FKBP7: variants seen among roughly 807,000 people sequenced by gnomAD.
The protein encoded by FKBP7 is peptidyl-prolyl cis-trans isomerase FKBP7.
Under a neutral mutation model 24.3 loss-of-function variants are expected in FKBP7, and 24 were observed. The observed-to-expected ratio is 0.99, with a 90% CI of 0.72 to 1.39. The LOEUF is 1.39. FKBP7 is among the 40% of genes most tolerant of loss of function. FKBP7 has a pLI of 0.00. For missense variants in FKBP7, 257 were observed against 269.5 expected (o/e 0.95, Z 0.33); for synonymous variants, 98 against 92.8 (o/e 1.06, Z -0.32).
At position 178,465,685 on chromosome 2, in the gene FKBP7, C is replaced by A. The variant is rs2154126576; in HGVS notation, c.*85G>T. 7.9e-7 allele frequency: 1 copy of A among 1,266,064 alleles called. No individual in the cohort carries two copies. Among genetic ancestry groups the A allele is most frequent in the Non-Finnish European group, 1.0e-6 (1 of 956,472 alleles). 78.4% of individuals were successfully genotyped at this position (1,266,064 alleles called of 1,614,324 possible). On this transcript the variant is annotated 3_prime_UTR_variant, in exon 4 of 4. Coordinates refer to ENST00000424785, the MANE Select transcript of FKBP7 (RefSeq NM_181342.3). ...ATATCTTCTCATAGGGGAAAAATAG[C>A]AAATACAACTTGGAGAAAAGTGACT...
At chr2:178,472,250 T>C (rs916051491) in intron 2 of FKBP7, among the ~76,000 whole-genome samples, 1 of 152,078 alleles carries the variant, frequency 6.6e-6, no homozygotes, top group Middle Eastern at 3.4e-3. Flanking sequence ...ATTTTTTGTA[T>C]TTTTAGTAGA....
chr2:178,477,250 A>G (rs1365585290), intron 1 of FKBP7, 37 bp from the exon 2 acceptor site: 2 of 1,593,964 alleles, frequency 1.3e-6, no homozygotes, highest in Non-Finnish European at 1.7e-6. Flanking sequence ...AACTGATTTC[A>G]AGAAATCAAA....
At chr2:178,472,770 C>A (rs1413463331) in intron 2 of FKBP7, among the ~76,000 whole-genome samples, 1 of 150,576 alleles carries the variant, frequency 6.6e-6, no homozygotes, top group South Asian at 2.1e-4. Flanking sequence ...ATAGCTTGAA[C>A]CCGGGAGGCA....
intron 3 of FKBP7, among the ~76,000 whole-genome samples, chr2:178,467,538 A>G (rs1684707020): frequency 6.6e-6 from 1 of 152,156 alleles, no homozygotes; most frequent in African/African-American, 2.4e-5. Flanking sequence ...TGTCATCTGT[A>G]AAAGGAGATA....
chr2:178,478,189 C>T, intron 1 of FKBP7, 90 bp downstream of exon 1: 4 of 1,451,482 alleles, frequency 2.8e-6, no homozygotes, highest in Non-Finnish European at 3.7e-6. Context: ...AAATAAAACC[C>T]CAACCAACCA....
chr2:178,465,242 T>C lies in FKBP7; in HGVS notation c.*528A>G, dbSNP rs1393074653. 6.6e-6 allele frequency: 1 copy of C among 152,230 alleles called. No homozygotes were observed. The highest frequency in any genetic ancestry group is 1.5e-5 in the Non-Finnish European group (1 of 68,046). The allele number at this position is 152,230 out of a possible 1,614,324, so 9.4% of individuals were successfully genotyped here. A position where few individuals can be genotyped will look rare whatever the true frequency, so the allele number is the denominator to read the frequency against. On this transcript the variant is annotated 3_prime_UTR_variant, in exon 4 of 4. Coordinates refer to ENST00000424785, the MANE Select transcript of FKBP7 (RefSeq NM_181342.3). ...TTGCGTTCTTTGTGGAACAGAGATA[T>C]ACAACTATCTTCCTGCACATATACC...
At chr2:178,477,258 A>G in intron 1 of FKBP7, 45 bp from the exon 2 acceptor site, 1 of 1,586,716 alleles carries the variant, frequency 6.3e-7, no homozygotes, top group Non-Finnish European at 8.6e-7. Flanking sequence ...TCAAGAAATC[A>G]AACTTGAAAA....
Position 178,477,183 on chromosome 2 carries a change from C to T in FKBP7, c.252G>A (p.Trp84Ter), listed in dbSNP as rs1334690210. The T allele has an allele frequency of 1.2e-6, 2 of 1,611,792 alleles. No homozygotes were observed. Among genetic ancestry groups the T allele is most frequent in the Admixed American group, 1.7e-5 (1 of 59,404 alleles). ...SRTQNEGHPK[W>*]FVLGVGQVIK... ...TGACTTGCCCAACACCAAGAACAAA[C>T]CATTTGGGGTGGCCTTCATTTTGTG... The change falls in exon 2 of 4, where the codon TGG becomes TGA. Residue 84 changes from tryptophan to a stop codon, truncating the protein, a stop_gained. Transcript: ENST00000424785. LOFTEE classifies it high-confidence loss of function.
In FKBP7 at chr2:178,463,958, A is replaced by C. The variant is rs997652334; in HGVS notation, c.*1812T>G. On this transcript the variant is annotated 3_prime_UTR_variant, in exon 4 of 4. Transcript: ENST00000424785. ...AGGGAAGGCGATGAAAGAGTAAATG[A>C]TTAAGCATGTGAAAAAGTATTAGAA... is the stretch of plus-strand genomic sequence containing the variant. 1.3e-5 allele frequency: 2 copies of C among 152,234 alleles called. No individual in the cohort carries two copies. Among genetic ancestry groups the C allele is most frequent in the African/African-American group, 4.8e-5 (2 of 41,472 alleles). The allele number at this position is 152,234 out of a possible 1,614,324, so 9.4% of individuals were successfully genotyped here.
At chr2:178,466,167 C>T (rs558122617) in intron 3 of FKBP7, among the ~76,000 whole-genome samples, 2 of 152,102 alleles carry the variant, frequency 1.3e-5, no homozygotes, top group Non-Finnish European at 2.9e-5. Context: ...GTGGTACATA[C>T]TCGAAGATTA....
chr2:178,474,773 G>C (rs1224760388), intron 2 of FKBP7, among the ~76,000 whole-genome samples: 2 of 151,704 alleles, frequency 1.3e-5, no homozygotes, highest in Non-Finnish European at 2.9e-5. Context: ...CCGCAGCCTC[G>C]ACCTCCCAGG....
At chr2:178,470,949 C>T (rs908906473) in intron 2 of FKBP7, among the ~76,000 whole-genome samples, 1 of 152,142 alleles carries the variant, frequency 6.6e-6, no homozygotes, top group Non-Finnish European at 1.5e-5. Context: ...GCAATCTCCG[C>T]TTACTGCAGC....
At position 178,478,430 on chromosome 2, in the gene FKBP7, G is replaced by A; in HGVS notation, c.70C>T (p.Gln24Ter). The A allele has an allele frequency of 3.1e-6, 5 of 1,614,170 alleles. No homozygotes were observed. Among genetic ancestry groups the A allele is most frequent in the Non-Finnish European group, 4.2e-6 (5 of 1,180,028 alleles). Residue 24 changes from glutamine (Q) to a stop codon, truncating the protein, a stop_gained, in exon 1 of 4, where the codon CAG becomes TAG. Transcript: ENST00000424785. LOFTEE classifies it high-confidence loss of function. Reference sequence around the variant, plus strand: ...GTGCTCTCCTCTTTCTTTTGTCTCTGAGCAGTAAAAAGGCCCCACAGATAA... The same window carrying A: ...GTGCTCTCCTCTTTCTTTTGTCTCTAAGCAGTAAAAAGGCCCCACAGATAA... ...FFYLWGLFTA[Q>*]RQKKEESTEE...
At chr2:178,473,132 T>C (rs1684901491) in intron 2 of FKBP7, 1 of 1,289,328 alleles carries the variant, frequency 7.8e-7, no homozygotes. Context: ...AAAGACTTCT[T>C]CAAGTACTAC....
intron 2 of FKBP7, chr2:178,473,216 G>T: frequency 3.3e-6 from 2 of 610,392 alleles, no homozygotes; most frequent in South Asian, 3.1e-5. Flanking sequence ...TCAAGAGGTT[G>T]TTTGTTAAAC....
chr2:178,476,963 G>T, intron 2 of FKBP7, 99 bp downstream of exon 2: 1 of 868,942 alleles, frequency 1.2e-6, no homozygotes, highest in Non-Finnish European at 1.7e-6. Context: ...ATATTTCTTT[G>T]AGACTGTGCT....
intron 2 of FKBP7, among the ~76,000 whole-genome samples, chr2:178,474,278 A>G (rs996357784): frequency 6.6e-6 from 1 of 152,190 alleles, no homozygotes; most frequent in South Asian, 2.1e-4. Context: ...CAAGAACCTA[A>G]CTAAGGATGC....
intron 1 of FKBP7, among the ~76,000 whole-genome samples, chr2:178,477,593 T>C (rs147326086): frequency 2.9e-3 from 437 of 152,202 alleles, no homozygotes; most frequent in African/African-American, 9.7e-3. Context: ...TTAATAGTAA[T>C]TTAAAATGGT....
intron 1 of FKBP7, 117 bp from the exon 2 acceptor site, chr2:178,477,330 C>T: frequency 9.8e-7 from 1 of 1,019,116 alleles, no homozygotes; most frequent in Non-Finnish European, 1.4e-6. Context: ...ATCACTCTTT[C>T]TAAAACCCTT....
Sources: allele counts gnomAD v4.1 joint callset (sites outside exome capture counted in the v4.1 genomes callset), GRCh38; gene constraint gnomAD v4.1.1; transcripts MANE v1.5; gene names NCBI Gene and HGNC (gene_info 2026-07-23, HGNC 2026-07-21).